Variants in SLC22A12 observed in about 807,000 individuals in gnomAD.
SLC22A12 encodes the protein organic anion transporter 4-like protein.
SLC22A12 carries 56 observed loss-of-function variants against 52.7 expected under a neutral mutation model. That is an observed-to-expected ratio of 1.06 (90% CI 0.86 to 1.33). SLC22A12 has a LOEUF of 1.33. Among genes scored for constraint, SLC22A12 ranks in the 40% most tolerant of loss-of-function variants. The pLI is 0.00. For synonymous variants in SLC22A12, 337 were observed against 324.6 expected (o/e 1.04, Z -0.41); for missense variants, 683 against 741.5 (o/e 0.92, Z 0.92).
intron 4 of SLC22A12, among the ~76,000 whole-genome samples, chr11:64,597,791 G>T (rs533526652): frequency 6.6e-6 from 1 of 152,312 alleles, no homozygotes; most frequent in South Asian, 2.1e-4. Flanking sequence ...GGACGGTGTG[G>T]CATAAGCTCG....
At chr11:64,592,006 G>T in intron 1 of SLC22A12, 48 bp downstream of exon 1, 1 of 1,596,682 alleles carries the variant, frequency 6.3e-7, no homozygotes, top group Non-Finnish European at 8.5e-7. Flanking sequence ...TTGGAGGTCA[G>T]TCATGGATCA....
Position 64,598,347 on chromosome 11 carries a change from G to C in SLC22A12, c.831-169G>C, listed in dbSNP as rs148397513. 2.0e-5 allele frequency among the ~76,000 whole-genome samples: 3 copies of C among 152,260 alleles called. No individual in the cohort carries two copies. In the East Asian group the frequency reaches 5.8e-4, roughly 29 times the overall value. ...GGCAGCAGAAGGGGTCTCCTGCTGG[G>C]GAAGGAGGGTGCCCAAGAGGGCTTG... is the stretch of plus-strand genomic sequence containing the variant. On this transcript the variant is annotated intron_variant, in intron 4 of 9. Transcript: ENST00000377574.
rs765974206 is a variant in SLC22A12 at position 64,598,973 on chromosome 11, G to C, written c.1070+50G>C. Reference sequence around the variant, plus strand: ...CCTCCACAGGGGAACCTGGAATCGGGGCTCTCGCTGGCACACGGCCCCGGC... The same window carrying C: ...CCTCCACAGGGGAACCTGGAATCGGCGCTCTCGCTGGCACACGGCCCCGGC... On this transcript the variant is annotated intron_variant, in intron 6 of 9. Coordinates refer to ENST00000377574, the MANE Select transcript of SLC22A12 (RefSeq NM_144585.4). 4 of 1,597,766 alleles carry C rather than the reference G, an allele frequency of 2.5e-6. No individual in the cohort carries two copies. In the African/African-American group the frequency reaches 5.4e-5, roughly 21 times the overall value.
In SLC22A12 at chr11:64,599,816, G is replaced by A; in HGVS notation, c.1211G>A (p.Gly404Asp). The A allele has an allele frequency of 1.2e-6, 2 of 1,612,936 alleles. No individual in the cohort carries two copies. The highest frequency in any genetic ancestry group is 1.7e-6 in the Non-Finnish European group (2 of 1,179,932). Residue 404 changes from glycine to aspartate, a missense_variant, in exon 7 of 10, where the codon GGC becomes GAC. Coordinates refer to ENST00000377574, the MANE Select transcript of SLC22A12 (RefSeq NM_144585.4). The stretch of plus-strand genomic sequence containing the variant: ...GCCCTGCTGCTGCTGAGCCACCTGG[G>A]CCGCCGCCCCACGCTGGCCGCATCC... ...MGALLLLSHL[G>D]RRPTLAASLL...
Position 64,600,033 on chromosome 11 carries a change from G to T in SLC22A12, c.1285+143G>T, listed in dbSNP as rs563351877. 6.1e-5 allele frequency: 62 copies of T among 1,015,048 alleles called. No individual in the cohort carries two copies. In the African/African-American group the frequency reaches 7.6e-4, roughly 12 times the overall value. The allele number at this position is 1,015,048 out of a possible 1,614,324, so 62.9% of individuals were successfully genotyped here. On this transcript the variant is annotated intron_variant, in intron 7 of 9. Coordinates refer to ENST00000377574, the MANE Select transcript of SLC22A12 (RefSeq NM_144585.4). ...TGCCGGAGCCGTCTAGGGACAGACG[G>T]CAGTGTCTGCACTGAGCCAGCAAGA...
At chr11:64,592,679 C>A (rs2038957793) in intron 1 of SLC22A12, 100 bp from the exon 2 acceptor site, 1 of 945,372 alleles carries the variant, frequency 1.1e-6, no homozygotes, top group East Asian at 2.4e-5. Flanking sequence ...CCAGACCACC[C>A]ACCGCACCCA....
intron 6 of SLC22A12, among the ~76,000 whole-genome samples, chr11:64,599,406 G>A (rs1862109024): frequency 6.6e-6 from 1 of 152,100 alleles, no homozygotes; most frequent in Admixed American, 6.5e-5. Flanking sequence ...CAGAGAGGGA[G>A]GCAGAAATCC....
At position 64,600,897 on chromosome 11, in the gene SLC22A12, G is replaced by T; in HGVS notation, c.1557G>T (p.Gln519His). The T allele has an allele frequency of 6.2e-7, 1 of 1,609,762 alleles. No homozygotes were observed. ...GLAALLLPET[Q>H]SLPLPDTIQD... ...CCGCACTGCTTCTGCCCGAGACCCA[G>T]AGCTTGCCGCTGCCCGACACCATCC... is the stretch of plus-strand genomic sequence containing the variant. Residue 519 changes from glutamine (Q) to histidine (H), a missense_variant, in exon 9 of 10, where the codon CAG becomes CAT. Gln to His is a conservative substitution (Grantham distance 24). Coordinates refer to ENST00000377574, the MANE Select transcript of SLC22A12 (RefSeq NM_144585.4).
At position 64,593,535 on chromosome 11, in the gene SLC22A12, G is replaced by T. The variant is rs1014455077; in HGVS notation, c.637G>T (p.Val213Phe). 2 of 1,614,174 alleles carry T rather than the reference G, an allele frequency of 1.2e-6. No homozygotes were observed. The highest frequency in any genetic ancestry group is 3.3e-5 in the Admixed American group (2 of 60,036). Residue 213 changes from valine to phenylalanine, a missense_variant, in exon 3 of 10, where the codon GTC becomes TTC. Coordinates refer to ENST00000377574, the MANE Select transcript of SLC22A12 (RefSeq NM_144585.4). Reference sequence around the variant, plus strand: ...CCTGTTGGCCTTTGCCGTGGCAGGCGTCATGATGAACACGGGCACTCTCCG... The same window carrying T: ...CCTGTTGGCCTTTGCCGTGGCAGGCTTCATGATGAACACGGGCACTCTCCG... ...RFLLAFAVAG[V>F]MMNTGTLLME... is the part of the protein sequence containing the mutation.
rs554980801 is a variant in SLC22A12 at position 64,594,735 on chromosome 11, G to A, written c.830+932G>A. On this transcript the variant is annotated intron_variant, in intron 4 of 9. Transcript: ENST00000377574. ...TGGATGGATGGATGGACGGACAGAC[G>A]GACGGACGGTTGGATGGATGGATGG... Among the ~76,000 whole-genome samples, 18 of 139,450 alleles carry A rather than the reference G, an allele frequency of 1.3e-4. 1 individual carries two copies. In the South Asian group the frequency reaches 3.5e-3, roughly 27 times the overall value. 91.5% of individuals were successfully genotyped at this position (139,450 alleles called of 152,430 possible).
At chr11:64,592,712 C>A (rs2038959056) in intron 1 of SLC22A12, 67 bp from the exon 2 acceptor site, 5 of 1,346,470 alleles carry the variant, frequency 3.7e-6, no homozygotes, top group African/African-American at 1.4e-5. Flanking sequence ...CCCTCCCATG[C>A]GGTTCCTCTG....
At chr11:64,598,448 T>G (rs556204919) in intron 4 of SLC22A12, 68 bp from the exon 5 acceptor site, 1 of 1,546,634 alleles carries the variant, frequency 6.5e-7, no homozygotes, top group Non-Finnish European at 8.7e-7. Context: ...GGTAGCAGTC[T>G]GAGGCTGGCG....
chr11:64,597,053 G>A (rs2039269509), intron 4 of SLC22A12, among the ~76,000 whole-genome samples: 1 of 152,176 alleles, frequency 6.6e-6, no homozygotes, highest in South Asian at 2.1e-4. Flanking sequence ...CCCACACATC[G>A]TGGCCTCACA....
chr11:64,600,950 C>T lies in SLC22A12; in HGVS notation c.1598+12C>T. The T allele has an allele frequency of 3.7e-6, 6 of 1,606,092 alleles. No individual in the cohort carries two copies. The highest frequency in any genetic ancestry group is 5.1e-6 in the Non-Finnish European group (6 of 1,179,942). ...GATGTGCAGAACCAGTGAGTGGACC[C>T]AGCCTCGGGACCACCCCTCCCTCCC... On this transcript the variant is annotated intron_variant, in intron 9 of 9. Coordinates refer to ENST00000377574, the MANE Select transcript of SLC22A12 (RefSeq NM_144585.4).
chr11:64,591,454 G>A lies in SLC22A12; in HGVS notation c.-103G>A. 2 of 1,510,280 alleles carry A rather than the reference G, an allele frequency of 1.3e-6. No homozygotes were observed. Among genetic ancestry groups the A allele is most frequent in the Non-Finnish European group, 1.8e-6 (2 of 1,109,604 alleles). The allele number at this position is 1,510,280 out of a possible 1,614,324, so 93.6% of individuals were successfully genotyped here. On this transcript the variant is annotated 5_prime_UTR_variant, in exon 1 of 10. The change creates a new upstream start codon in the 5' untranslated region. Coordinates refer to ENST00000377574, the MANE Select transcript of SLC22A12 (RefSeq NM_144585.4). ...TAGCCGCTGGGCTGGAGAAGCCACT[G>A]TGGGCACCACCGTGGGGGAAACAGG...
chr11:64,601,454 C>G (rs1206210349), intron 9 of SLC22A12, 34 bp from the exon 10 acceptor site: 1 of 1,609,190 alleles, frequency 6.2e-7, no homozygotes, highest in East Asian at 2.2e-5. Flanking sequence ...CCACTCCGCA[C>G]CCCAAGACAC....
rs768763841 is a variant in SLC22A12 at position 64,593,392 on chromosome 11, G to GT, written c.507-10dup. 1 of 1,614,048 alleles carries GT rather than the reference G, an allele frequency of 6.2e-7. No homozygotes were observed. ...AAGCCACAGACCCTGCCTCTTCCTG[G>GT]TTTGTGCCGCAGGTTTGGGCGCAGG... On this transcript the variant is annotated splice_polypyrimidine_tract_variant and intron_variant, in intron 2 of 9. Coordinates refer to ENST00000377574, the MANE Select transcript of SLC22A12 (RefSeq NM_144585.4).
At position 64,591,914 on chromosome 11, in the gene SLC22A12, T is replaced by C. The variant is rs752474717; in HGVS notation, c.358T>C (p.Trp120Arg). Reference sequence around the variant, plus strand: ...CGACACGGAGCCGTGTGTGGATGGCTGGGTCTATGACCGCAGCATCTTCAC... The same window carrying C: ...CGACACGGAGCCGTGTGTGGATGGCCGGGTCTATGACCGCAGCATCTTCAC... ...EADTEPCVDG[W>R]VYDRSIFTST... is the part of the protein sequence containing the mutation. The change falls in exon 1 of 10, where the codon TGG (tryptophan) becomes CGG (arginine). Residue 120 changes from tryptophan to arginine, a missense_variant. Coordinates refer to ENST00000377574, the MANE Select transcript of SLC22A12 (RefSeq NM_144585.4). 13 of 1,612,372 alleles carry C rather than the reference T, an allele frequency of 8.1e-6. No homozygotes were observed. In the East Asian group the frequency reaches 2.5e-4, roughly 30 times the overall value.
At position 64,593,458 on chromosome 11, in the gene SLC22A12, G is replaced by A; in HGVS notation, c.560G>A (p.Gly187Asp). Residue 187 changes from glycine to aspartate, a missense_variant, in exon 3 of 10, where the codon GGT (glycine) becomes GAT (aspartate). By Grantham distance (94) the Gly-to-Asp change is moderately conservative (BLOSUM62 -1). Transcript: ENST00000377574. ...TWSYLQMAVMGTAAAFAPAFP... is the reference protein window; with the variant it reads ...TWSYLQMAVMDTAAAFAPAFP... ...AGCTACCTTCAGATGGCTGTGATGG[G>A]TACGGCAGCTGCCTTCGCCCCTGCC... 3 of 1,614,124 alleles carry A rather than the reference G, an allele frequency of 1.9e-6. No individual in the cohort carries two copies. Among genetic ancestry groups the A allele is most frequent in the East Asian group, 2.2e-5 (1 of 44,886 alleles).
Sources: gnomAD v4.1 joint callset for allele counts (sites outside exome capture counted in the v4.1 genomes callset) on GRCh38, gnomAD v4.1.1 for gene constraint, MANE v1.5 for transcripts, NCBI Gene and HGNC (gene_info 2026-07-23, HGNC 2026-07-21) for gene names.